The following TCN2 variants were observed in gnomAD, a reference collection of about 807,000 sequenced individuals.
TCN2 encodes transcobalamin 2, also known as transcobalamin-2.
A neutral mutation model predicts 48.6 loss-of-function variants in TCN2; 34 were observed. The observed-to-expected ratio is 0.70, with a 90% CI of 0.53 to 0.93. The LOEUF (loss-of-function observed/expected upper bound fraction) is 0.93. Among genes scored for constraint, TCN2 ranks in the 40% least tolerant of loss-of-function variants. The pLI is 0.00. For missense variants in TCN2, 652 were observed against 526.1 expected (o/e 1.24, Z -2.34); for synonymous variants, 283 against 212.5 (o/e 1.33, Z -2.89).
intron 7 of TCN2, among the ~76,000 whole-genome samples, chr22:30,621,317 C>T (rs184979628): frequency 2.6e-5 from 4 of 152,136 alleles, no homozygotes; most frequent in East Asian, 1.9e-4. Flanking sequence ...CCAAAAAAAT[C>T]CCTCTAAGAC....
intron 8 of TCN2, among the ~76,000 whole-genome samples, chr22:30,625,259 C>G (rs931104092): frequency 1.3e-5 from 2 of 152,058 alleles, no homozygotes; most frequent in African/African-American, 4.8e-5. Flanking sequence ...CTTAACAGTT[C>G]TGGAGGTTGG....
At position 30,607,257 on chromosome 22, in the gene TCN2, C is replaced by A; in HGVS notation, c.-75C>A. ...TCTCGGAGCGGTGACCAGCTGTGGT[C>A]AGGAGAGCCTCAGCAGGGCCAGCCC... On this transcript the variant is annotated 5_prime_UTR_variant, in exon 1 of 9. Coordinates refer to ENST00000215838, the MANE Select transcript of TCN2 (RefSeq NM_000355.4). 6.6e-7 allele frequency: 1 copy of A among 1,520,706 alleles called. No homozygotes were observed. The highest frequency in any genetic ancestry group is 1.1e-5 in the South Asian group (1 of 89,128). The allele number at this position is 1,520,706 out of a possible 1,614,324, so 94.2% of individuals were successfully genotyped here. A position where few individuals can be genotyped will look rare whatever the true frequency, so the allele number is the denominator to read the frequency against.
chr22:30,612,828 C>A (rs755148294), intron 2 of TCN2, 45 bp from the exon 3 acceptor site: 2 of 1,610,420 alleles, frequency 1.2e-6, no homozygotes, highest in Middle Eastern at 2.2e-4. Flanking sequence ...AGCAGGCTTA[C>A]GGGGTGGCAG....
chr22:30,614,422 C>T lies in TCN2; in HGVS notation c.501C>T (p.His167=), dbSNP rs144652799. 855 of 1,614,178 alleles carry T rather than the reference C, an allele frequency of 5.3e-4. 7 individuals carry two copies. The highest frequency in any genetic ancestry group is 5.2e-3 in the South Asian group (474 of 91,080). ...TGGGCATTCTGGCCCTGTGTCTCCA[C>T]CAGAAGCGGGTCCATGACAGCGTGG... ...YGLGILALCL[H]QKRVHDSVVD... The change falls in exon 4 of 9, where the codon CAC becomes CAT. Residue 167 remains histidine (H), a synonymous_variant. Coordinates refer to ENST00000215838, the MANE Select transcript of TCN2 (RefSeq NM_000355.4).
chr22:30,621,239 C>G (rs529733094), intron 7 of TCN2, among the ~76,000 whole-genome samples: 1 of 152,192 alleles, frequency 6.6e-6, no homozygotes, highest in Non-Finnish European at 1.5e-5. Context: ...GTGATCCACC[C>G]ACCTCCGCCT....
At chr22:30,610,765 G>C in intron 1 of TCN2, 106 bp from the exon 2 acceptor site, 1 of 1,182,530 alleles carries the variant, frequency 8.5e-7, no homozygotes, top group Non-Finnish European at 1.2e-6. Context: ...GGGTGGAGGT[G>C]GGGGTGAGGA....
At chr22:30,621,409 A>G (rs1275453290) in intron 7 of TCN2, among the ~76,000 whole-genome samples, 1 of 152,052 alleles carries the variant, frequency 6.6e-6, no homozygotes, top group East Asian at 1.9e-4. Flanking sequence ...CTTCCCTGTT[A>G]CTTTGACGGT....
At chr22:30,610,396 G>A (rs915953385) in intron 1 of TCN2, 3 of 425,866 alleles carry the variant, frequency 7.0e-6, no homozygotes, top group South Asian at 3.5e-5. Context: ...CATTCAGCAG[G>A]GCACCAAAGA....
rs771569755 is a variant in TCN2 at position 30,610,965 on chromosome 22, C to T, written c.159C>T (p.Ser53=). ...TTTCCCTGGAGCACTTGAACCCCAGCATCTATGTGGGCCTACGCCTCTCCA... is the reference window on the plus strand; with the variant it reads ...TTTCCCTGGAGCACTTGAACCCCAGTATCTATGTGGGCCTACGCCTCTCCA... ...DRLSLEHLNP[S]IYVGLRLSSL... The change falls in exon 2 of 9, where the codon AGC becomes AGT. Residue 53 remains serine, a synonymous_variant. Transcript: ENST00000215838. The T allele has an allele frequency of 8.7e-6, 14 of 1,614,218 alleles. No homozygotes were observed. In the South Asian group the frequency reaches 1.3e-4, roughly 15 times the overall value.
chr22:30,625,435 G>A (rs1267667578), intron 8 of TCN2, among the ~76,000 whole-genome samples: 1 of 151,738 alleles, frequency 6.6e-6, no homozygotes, highest in Non-Finnish European at 1.5e-5. Context: ...GCCCTTGCCT[G>A]CTGAAGGAAC....
intron 2 of TCN2, among the ~76,000 whole-genome samples, chr22:30,611,825 G>A (rs1333783442): frequency 6.6e-6 from 1 of 152,188 alleles, no homozygotes; most frequent in East Asian, 1.9e-4. Context: ...GCATCTTTGT[G>A]CTCCCTTTTC....
At chr22:30,616,487 CAAAAA>C (rs58169513) in intron 6 of TCN2, among the ~76,000 whole-genome samples, 1 of 94,532 alleles carries the variant, frequency 1.1e-5, no homozygotes, top group Admixed American at 1.1e-4. Context: ...GACTATGTCT[CAAAAA>C]AAAAAAAAAA....
intron 7 of TCN2, among the ~76,000 whole-genome samples, chr22:30,620,459 C>T (rs992210906): frequency 1.1e-4 from 17 of 152,252 alleles, no homozygotes; most frequent in African/African-American, 4.1e-4. Flanking sequence ...GCAGTGAAGC[C>T]TGGGCACTCC....
Position 30,610,910 on chromosome 22 carries a change from G to A in TCN2, c.104G>A (p.Gly35Asp). The A allele has an allele frequency of 6.2e-7, 1 of 1,614,136 alleles. No individual in the cohort carries two copies. The highest frequency in any genetic ancestry group is 8.5e-7 in the Non-Finnish European group (1 of 1,180,032). The change falls in exon 2 of 9, where the codon GGC (glycine) becomes GAC (aspartate). Residue 35 changes from glycine (G) to aspartate (D), a missense_variant. Gly to Asp is a moderately conservative substitution (Grantham distance 94). Transcript: ENST00000215838. ...GACAGCCATCTGGTAGAGAAGTTGG[G>A]CCAGCACCTCTTACCTTGGATGGAC... ...EMDSHLVEKL[G>D]QHLLPWMDRL...
At chr22:30,610,517 A>G (rs2087520854) in intron 1 of TCN2, among the ~76,000 whole-genome samples, 2 of 152,234 alleles carry the variant, frequency 1.3e-5, no homozygotes, top group African/African-American at 4.8e-5. Flanking sequence ...GACAGTATCT[A>G]CATCACAGGA....
chr22:30,615,140 C>T (rs1277413093), intron 4 of TCN2, among the ~76,000 whole-genome samples, 161 bp from the exon 5 acceptor site: 1 of 152,118 alleles, frequency 6.6e-6, no homozygotes. Flanking sequence ...CTTGGGCAGA[C>T]CAGGTTGAGT....
In TCN2 at chr22:30,607,419, T is replaced by C. The variant is rs749664901; in HGVS notation, c.64+24T>C. 4 of 1,613,782 alleles carry C rather than the reference T, an allele frequency of 2.5e-6. No individual in the cohort carries two copies. In the East Asian group the frequency reaches 6.7e-5, roughly 27 times the overall value. ...TGGTGAGTAACTCGCCTCTATCCTG[T>C]GCCTCTTTCCTCCTGGGTCCTTAGT... On this transcript the variant is annotated intron_variant, in intron 1 of 8. Transcript: ENST00000215838.
intron 2 of TCN2, among the ~76,000 whole-genome samples, chr22:30,612,117 T>C (rs1443605451): frequency 2.6e-5 from 4 of 152,096 alleles, no homozygotes; most frequent in Admixed American, 2.0e-4. Context: ...TAGTGACTCA[T>C]GCCTGTGGTC....
Position 30,615,316 on chromosome 22 carries a change from C to T in TCN2, c.596C>T (p.Ala199Val), listed in dbSNP as rs568757292. 2 of 1,614,178 alleles carry T rather than the reference C, an allele frequency of 1.2e-6. No individual in the cohort carries two copies. Among genetic ancestry groups the T allele is most frequent in the Admixed American group, 1.7e-5 (1 of 60,022 alleles). ...CCACTTCAAGACACAGCAGCCATGG[C>T]AGGCTTGGCATTCACCTGTCTGAAG... ...GHHSVDTAAMAGLAFTCLKRS... is the reference protein window; with the variant it reads ...GHHSVDTAAMVGLAFTCLKRS... Residue 199 changes from alanine (A) to valine (V), a missense_variant, in exon 5 of 9, where the codon GCA becomes GTA. Ala to Val is a moderately conservative substitution (Grantham distance 64, BLOSUM62 0). Coordinates refer to ENST00000215838, the MANE Select transcript of TCN2 (RefSeq NM_000355.4).
Sources: allele counts gnomAD v4.1 joint callset (sites outside exome capture counted in the v4.1 genomes callset), GRCh38; gene constraint gnomAD v4.1.1; transcripts MANE v1.5; gene names NCBI Gene and HGNC (gene_info 2026-07-23, HGNC 2026-07-21).